The following ZNF148 variants were observed in gnomAD, a reference collection of about 807,000 sequenced individuals.
ZNF148 encodes Beta-Enolase Repressor Factor-1.
Under a neutral mutation model 67.7 loss-of-function variants are expected in ZNF148, and 7 were observed. The ratio of observed to expected loss-of-function variants is 0.10; its 90% CI spans 0.06 to 0.19. The LOEUF (loss-of-function observed/expected upper bound fraction) is 0.19, where lower values mean the gene tolerates loss of function less well. Among genes scored for constraint, ZNF148 ranks in the 10% least tolerant of loss-of-function variants. ZNF148 has a pLI of 1.00. For synonymous variants in ZNF148, 333 were observed against 330.7 expected, an observed-to-expected ratio of 1.01 and a Z score of -0.08; for missense variants, 583 against 947.1, an observed-to-expected ratio of 0.62 and a Z score of 5.05.
chr3:125,263,543 T>A (rs1468560727), intron 7 of ZNF148, among the ~76,000 whole-genome samples: 3 of 93,334 alleles, frequency 3.2e-5, no homozygotes, highest in Admixed American at 1.0e-4. Flanking sequence ...AGAGTAAGAC[T>A]CTGTCTCAAA....
intron 1 of ZNF148, among the ~76,000 whole-genome samples, chr3:125,369,694 C>A (rs957490448): frequency 3.9e-5 from 6 of 151,924 alleles, no homozygotes; most frequent in African/African-American, 1.5e-4. Context: ...AATTATTTCA[C>A]AACTGTCTTT....
chr3:125,327,123 G>A (rs947608876), intron 2 of ZNF148, among the ~76,000 whole-genome samples: 7 of 151,984 alleles, frequency 4.6e-5, no homozygotes, highest in Admixed American at 6.5e-5. Flanking sequence ...ATTAACATCA[G>A]ACAAAACAGA....
intron 3 of ZNF148, among the ~76,000 whole-genome samples, chr3:125,321,833 C>A (rs923266486): frequency 6.6e-6 from 1 of 151,586 alleles, no homozygotes; most frequent in African/African-American, 2.4e-5. Context: ...AAAAAAACTT[C>A]TTAAAACAAA....
chr3:125,357,468 C>T (rs530690496), intron 1 of ZNF148, among the ~76,000 whole-genome samples: 1 of 152,244 alleles, frequency 6.6e-6, no homozygotes, highest in Non-Finnish European at 1.5e-5. Flanking sequence ...TCCTCCCCCC[C>T]TTCCAGGGCC....
intron 7 of ZNF148, among the ~76,000 whole-genome samples, chr3:125,236,710 G>C (rs918779782): frequency 6.6e-6 from 1 of 152,160 alleles, no homozygotes; most frequent in Non-Finnish European, 1.5e-5. Flanking sequence ...AGCGTTTCCC[G>C]TGGCTTTTGA....
At chr3:125,371,376 G>GAA (rs1559789369) in intron 1 of ZNF148, among the ~76,000 whole-genome samples, 513 of 46,366 alleles carry the variant, frequency 0.011, 5 homozygotes, top group Middle Eastern at 0.043. Context: ...AAAAAAAGGG[G>GAA]GGGGGGGGGG....
chr3:125,294,105 T>C (rs933101803), intron 4 of ZNF148, among the ~76,000 whole-genome samples: 6 of 152,082 alleles, frequency 3.9e-5, no homozygotes, highest in African/African-American at 1.2e-4. Flanking sequence ...GTCAAAAATG[T>C]AGAGCATCAA....
chr3:125,262,510 T>C (rs1560122928), intron 7 of ZNF148, among the ~76,000 whole-genome samples: 1 of 152,208 alleles, frequency 6.6e-6, no homozygotes, highest in Non-Finnish European at 1.5e-5. Flanking sequence ...TATTAGGTGC[T>C]GTCAAGATAA....
At chr3:125,274,369 T>C (rs746609218) in intron 7 of ZNF148, among the ~76,000 whole-genome samples, 16 of 152,212 alleles carry the variant, frequency 1.1e-4, no homozygotes, top group Non-Finnish European at 2.1e-4. Context: ...AAATCTCCCA[T>C]AACTGCCAAA....
At chr3:125,284,311 A>C (rs1938544175) in intron 5 of ZNF148, among the ~76,000 whole-genome samples, 1 of 152,178 alleles carries the variant, frequency 6.6e-6, no homozygotes, top group Non-Finnish European at 1.5e-5. Flanking sequence ...AGAAACTTCT[A>C]GTGTCAAGAT....
chr3:125,321,149 T>C (rs1377113484), intron 3 of ZNF148, among the ~76,000 whole-genome samples: 2 of 152,204 alleles, frequency 1.3e-5, no homozygotes, highest in African/African-American at 2.4e-5. Flanking sequence ...TATACCTCTG[T>C]ATAACTACCA....
At chr3:125,272,687 T>G in intron 7 of ZNF148, among the ~76,000 whole-genome samples, 1 of 152,276 alleles carries the variant, frequency 6.6e-6, no homozygotes. Context: ...ATATAAATGA[T>G]CTCTTTTATG....
chr3:125,235,914 C>T (rs1579582770), intron 7 of ZNF148, among the ~76,000 whole-genome samples: 1 of 123,892 alleles, frequency 8.1e-6, no homozygotes, highest in East Asian at 2.3e-4. Flanking sequence ...AACACCTGGA[C>T]AGAGGAAGGG....
intron 2 of ZNF148, among the ~76,000 whole-genome samples, chr3:125,329,104 A>G (rs1022914188): frequency 6.6e-6 from 1 of 150,990 alleles, no homozygotes; most frequent in Non-Finnish European, 1.5e-5. Context: ...CTTCGATGTT[A>G]TAACATTCTC....
rs896649190 is a variant in ZNF148, at chr3:125,309,631, G to A, written c.333+3677C>T. Among the ~76,000 whole-genome samples, 45 of 152,180 alleles carry A rather than the reference G, an allele frequency of 3.0e-4. 1 individual carries two copies. The highest frequency in any genetic ancestry group is 4.4e-5 in the Non-Finnish European group (3 of 68,028). On this transcript the variant is annotated intron_variant, in intron 4 of 8. Transcript: ENST00000360647. Reference sequence around the variant, plus strand: ...GTTGGATAAGGGACGGGATTATGACGGCTATTTCCGCCCATGCAAAAAAGT... The same window carrying A: ...GTTGGATAAGGGACGGGATTATGACAGCTATTTCCGCCCATGCAAAAAAGT...
intron 7 of ZNF148, among the ~76,000 whole-genome samples, chr3:125,274,178 T>C (rs1937918393): frequency 6.6e-6 from 1 of 152,210 alleles, no homozygotes; most frequent in African/African-American, 2.4e-5. Flanking sequence ...AATCTGCCAA[T>C]GATGATAAAT....
chr3:125,331,072 C>T (rs193166367), intron 2 of ZNF148, 86 bp downstream of exon 2: 780 of 397,920 alleles, frequency 2.0e-3, no homozygotes, highest in Non-Finnish European at 2.8e-3. Context: ...CACACTTATA[C>T]CCAACAGTTA....
Position 125,261,815 on chromosome 3 carries a change from G to A in ZNF148, c.667+15911C>T, listed in dbSNP as rs1432649348. 2.2e-5 allele frequency among the ~76,000 whole-genome samples: 3 copies of A among 135,698 alleles called. No homozygotes were observed. In the Admixed American group the frequency reaches 2.4e-4, roughly 11 times the overall value. 89.0% of individuals were successfully genotyped at this position (135,698 alleles called of 152,430 possible). A position where few individuals can be genotyped will look rare whatever the true frequency, so the allele number is the denominator to read the frequency against. On this transcript the variant is annotated intron_variant, in intron 7 of 8. Transcript: ENST00000360647. ...TGGGGCATTCAAAATAACCTGACAG[G>A]GGTTGACAAGTTTTTTTTTTTTTTT...
chr3:125,240,383 C>T (rs1936295345), intron 7 of ZNF148, among the ~76,000 whole-genome samples: 1 of 152,054 alleles, frequency 6.6e-6, no homozygotes, highest in Admixed American at 6.6e-5. Context: ...GGAGAAAACC[C>T]ATGTTTAAAT....
Sources: gnomAD v4.1 joint callset for allele counts (sites outside exome capture counted in the v4.1 genomes callset) on GRCh38, gnomAD v4.1.1 for gene constraint, MANE v1.5 for transcripts, NCBI Gene and HGNC (gene_info 2026-07-23, HGNC 2026-07-21) for gene names.